ZFYVE9: variants seen among roughly 807,000 people sequenced by gnomAD.
ZFYVE9 encodes zinc finger FYVE domain-containing protein 9.
In ZFYVE9, 43 loss-of-function variants were observed where a neutral mutation model predicts 126.7. The ratio of observed to expected loss-of-function variants is 0.34; its 90% CI spans 0.27 to 0.44. ZFYVE9 has a LOEUF of 0.44. ZFYVE9 is among the 20% of genes least tolerant of loss of function. The probability of loss-of-function intolerance (pLI) is 1.00; values close to 1 mark genes in which losing one functional copy is unlikely to be tolerated. For synonymous variants in ZFYVE9, 521 were observed against 597.4 expected (o/e 0.87, Z 1.87); for missense variants, 1,476 against 1,697.0 (o/e 0.87, Z 2.29).
intron 13 of ZFYVE9, among the ~76,000 whole-genome samples, chr1:52,319,568 G>A (rs2147857506): frequency 6.6e-6 from 1 of 151,552 alleles, no homozygotes; most frequent in Admixed American, 6.6e-5. Context: ...AGGTTACAGT[G>A]AGCCGAGATC....
intron 7 of ZFYVE9, among the ~76,000 whole-genome samples, chr1:52,272,918 T>C (rs545106998): frequency 6.6e-6 from 1 of 152,288 alleles, no homozygotes; most frequent in East Asian, 1.9e-4. Flanking sequence ...TTCCTTGGCC[T>C]TCCAAAGTGC....
chr1:52,301,982 A>G (rs899994829), intron 12 of ZFYVE9, among the ~76,000 whole-genome samples: 1 of 152,168 alleles, frequency 6.6e-6, no homozygotes, highest in Non-Finnish European at 1.5e-5. Context: ...ATCTCAATCA[A>G]ATACTTTGAT....
intron 1 of ZFYVE9, among the ~76,000 whole-genome samples, chr1:52,149,123 A>G (rs1026442956): frequency 6.6e-6 from 1 of 151,024 alleles, no homozygotes; most frequent in African/African-American, 2.4e-5. Context: ...GTCACTATGC[A>G]CCGCTAATTT....
chr1:52,169,427 C>T (rs1411343704), intron 1 of ZFYVE9, among the ~76,000 whole-genome samples: 1 of 152,036 alleles, frequency 6.6e-6, no homozygotes, highest in Non-Finnish European at 1.5e-5. Flanking sequence ...TTATAACCCT[C>T]AAATTTTCCT....
At chr1:52,319,641 AAAC>A (rs1328735475) in intron 13 of ZFYVE9, among the ~76,000 whole-genome samples, 1 of 151,898 alleles carries the variant, frequency 6.6e-6, no homozygotes, top group African/African-American at 2.4e-5. Flanking sequence ...AATAAAATAA[AAAC>A]AAATAAAAAT....
Position 52,192,968 on chromosome 1 carries a change from T to TG in ZFYVE9, c.-142-23400dup, listed in dbSNP as rs1287293957. ...GGCAGAACAATCCACAGCAATCCTA[T>TG]GAGATAGGTACTATTATTATTATTA... On this transcript the variant is annotated intron_variant, in intron 1 of 18. Coordinates refer to ENST00000287727, the MANE Select transcript of ZFYVE9 (RefSeq NM_004799.4). Among the ~76,000 whole-genome samples, 5 of 152,150 alleles carry TG rather than the reference T, an allele frequency of 3.3e-5. No individual in the cohort carries two copies. In the East Asian group the frequency reaches 9.6e-4, roughly 29 times the overall value.
intron 4 of ZFYVE9, among the ~76,000 whole-genome samples, chr1:52,240,397 T>G (rs1190098778): frequency 6.6e-6 from 1 of 152,192 alleles, no homozygotes; most frequent in Non-Finnish European, 1.5e-5. Flanking sequence ...CAAAAAAGAT[T>G]AATAACTTTT....
At chr1:52,204,698 G>C (rs909370978) in intron 1 of ZFYVE9, among the ~76,000 whole-genome samples, 1 of 152,098 alleles carries the variant, frequency 6.6e-6, no homozygotes, top group East Asian at 1.9e-4. Context: ...CTGCACTCCA[G>C]CCTGGACAAC....
intron 18 of ZFYVE9, 76 bp downstream of exon 18, chr1:52,345,020 C>A: frequency 6.6e-7 from 1 of 1,518,886 alleles, no homozygotes; most frequent in Non-Finnish European, 9.1e-7. Context: ...TTTTCTGCAT[C>A]ACCCCAGAGA....
chr1:52,227,554 TC>T (rs1645181556), intron 2 of ZFYVE9, among the ~76,000 whole-genome samples: 1 of 152,216 alleles, frequency 6.6e-6, no homozygotes, highest in Admixed American at 6.5e-5. Flanking sequence ...TTATTGCTAC[TC>T]CTTTGTAGTT....
At chr1:52,266,401 T>C (rs1645633686) in intron 5 of ZFYVE9, among the ~76,000 whole-genome samples, 1 of 96,152 alleles carries the variant, frequency 1.0e-5, no homozygotes, top group Non-Finnish European at 1.9e-5. Flanking sequence ...CCGGTCTAAT[T>C]CTTTAAAAAA....
intron 1 of ZFYVE9, among the ~76,000 whole-genome samples, chr1:52,200,191 T>A (rs562220977): frequency 1.3e-5 from 2 of 152,150 alleles, no homozygotes; most frequent in East Asian, 3.9e-4. Context: ...TATTTTTTAT[T>A]TTTTTTAGAC....
intron 4 of ZFYVE9, among the ~76,000 whole-genome samples, chr1:52,261,593 T>C (rs1645580938): frequency 6.6e-6 from 1 of 152,218 alleles, no homozygotes; most frequent in African/African-American, 2.4e-5. Flanking sequence ...TTTGTCTCTT[T>C]ATTAGAAAGG....
rs1466626537 is a variant in ZFYVE9, at chr1:52,263,885, A to G, written c.2278+13A>G. 4 of 1,531,414 alleles carry G rather than the reference A, an allele frequency of 2.6e-6. No individual in the cohort carries two copies. The highest frequency in any genetic ancestry group is 3.6e-5 in the Admixed American group (2 of 55,640). The allele number at this position is 1,531,414 out of a possible 1,614,324, so 94.9% of individuals were successfully genotyped here. On this transcript the variant is annotated intron_variant, in intron 5 of 18. Transcript: ENST00000287727. Reference sequence around the variant, plus strand: ...GTGCTAATGAATGGTAAGTATTAAAACAGGTTGATTTCATAGTTATTGAGA... The same window carrying G: ...GTGCTAATGAATGGTAAGTATTAAAGCAGGTTGATTTCATAGTTATTGAGA...
intron 12 of ZFYVE9, among the ~76,000 whole-genome samples, chr1:52,297,273 C>T (rs1345821941): frequency 4.8e-5 from 7 of 145,826 alleles, no homozygotes; most frequent in Admixed American, 1.4e-4. Context: ...GATGGAGTCT[C>T]GCTCTGTTGT....
In ZFYVE9 at chr1:52,238,358, G is replaced by A. The variant is rs201326246; in HGVS notation, c.941G>A (p.Ser314Asn). 6.2e-7 allele frequency: 1 copy of A among 1,613,806 alleles called. No individual in the cohort carries two copies. The highest frequency in any genetic ancestry group is 1.1e-5 in the South Asian group (1 of 91,078). ...AGTCCAAATTCCTTTTCCCACATGA[G>A]TGAGGGGATTTTGATGAAAAAAGAG... ...LGSPNSFSHM[S>N]EGILMKKEPA... The change falls in exon 4 of 19, where the codon AGT (serine) becomes AAT (asparagine). Residue 314 changes from serine to asparagine, a missense_variant. Coordinates refer to ENST00000287727, the MANE Select transcript of ZFYVE9 (RefSeq NM_004799.4).
At chr1:52,345,034 T>G (rs990721496) in intron 18 of ZFYVE9, 90 bp downstream of exon 18, 3 of 1,421,630 alleles carry the variant, frequency 2.1e-6, no homozygotes, top group Non-Finnish European at 2.9e-6. Flanking sequence ...CCAGAGAGCT[T>G]AATTCTCCGA....
At chr1:52,255,948 CTTTTCTTTTCTTTTCTT>C (rs1470572126) in intron 4 of ZFYVE9, among the ~76,000 whole-genome samples, 3 of 113,642 alleles carry the variant, frequency 2.6e-5, no homozygotes, top group African/African-American at 1.4e-4. Context: ...CTTTTCTTTT[CTTTTCTTTTCTTTTCTT>C]TTCTTTCTTT....
chr1:52,302,124 G>T (rs1368436331), intron 12 of ZFYVE9, among the ~76,000 whole-genome samples: 1 of 152,018 alleles, frequency 6.6e-6, no homozygotes, highest in Non-Finnish European at 1.5e-5. Flanking sequence ...TATAAGTTCT[G>T]GCTCCGTTTC....
Sources: gnomAD v4.1 joint callset for allele counts (sites outside exome capture counted in the v4.1 genomes callset) on GRCh38, gnomAD v4.1.1 for gene constraint, MANE v1.5 for transcripts, NCBI Gene and HGNC (gene_info 2026-07-23, HGNC 2026-07-21) for gene names.